Variants in SCAI observed in about 807,000 individuals in gnomAD.
The protein encoded by SCAI is suppressor of cancer cell invasion, also known as protein SCAI.
In SCAI, 24 loss-of-function variants were observed where a neutral mutation model predicts 92.2. That is an observed-to-expected ratio of 0.26 (90% CI 0.19 to 0.37). The LOEUF is 0.37. SCAI is among the 10% of genes least tolerant of loss of function. The pLI is 1.00. For synonymous variants in SCAI, 261 were observed against 258.6 expected (o/e 1.01, Z -0.09); for missense variants, 450 against 736.2 (o/e 0.61, Z 4.50).
intron 14 of SCAI, 53 bp downstream of exon 14, chr9:124,994,881 C>T (rs1253584871): frequency 8.4e-7 from 1 of 1,197,304 alleles, no homozygotes; most frequent in African/African-American, 1.5e-5. Flanking sequence ...GAGTGGGTAC[C>T]CTTGGGTTGG....
chr9:125,116,919 A>T (rs759116165), intron 2 of SCAI, among the ~76,000 whole-genome samples: 11 of 152,192 alleles, frequency 7.2e-5, no homozygotes, highest in Non-Finnish European at 1.6e-4. Context: ...TTCACTTATC[A>T]TATTTATTCT....
At chr9:124,963,899 G>A (rs1831492076) in intron 17 of SCAI, among the ~76,000 whole-genome samples, 2 of 151,956 alleles carry the variant, frequency 1.3e-5, no homozygotes, top group Non-Finnish European at 1.5e-5. Context: ...GGAGGAGGAG[G>A]AGGGGTTGGT....
intron 2 of SCAI, among the ~76,000 whole-genome samples, chr9:125,120,354 C>A (rs1041449795): frequency 2.6e-5 from 4 of 152,104 alleles, no homozygotes; most frequent in African/African-American, 9.7e-5. Context: ...GAAATGAATT[C>A]AATGGCCTAC....
intron 14 of SCAI, among the ~76,000 whole-genome samples, chr9:124,987,023 G>A (rs2131609149): frequency 6.6e-6 from 1 of 152,230 alleles, no homozygotes; most frequent in East Asian, 1.9e-4. Flanking sequence ...AAGAAGTATT[G>A]CCCAAAATGA....
intron 3 of SCAI, among the ~76,000 whole-genome samples, chr9:125,051,226 T>C (rs2131128888): frequency 6.6e-6 from 1 of 151,622 alleles, no homozygotes; most frequent in African/African-American, 2.4e-5. Flanking sequence ...TTTCACCATG[T>C]TGGCCAGGCT....
chr9:125,123,065 T>C (rs574663713), intron 2 of SCAI, among the ~76,000 whole-genome samples: 6 of 152,266 alleles, frequency 3.9e-5, no homozygotes, highest in African/African-American at 1.4e-4. Context: ...TATCTATTGT[T>C]AGAAAGACAG....
At position 125,143,406 on chromosome 9, in the gene SCAI, G is replaced by A; in HGVS notation, c.32C>T (p.Pro11Leu). 6.5e-6 allele frequency: 9 copies of A among 1,390,466 alleles called. No individual in the cohort carries two copies. Among genetic ancestry groups the A allele is most frequent in the Non-Finnish European group, 7.5e-6 (8 of 1,070,002 alleles). 86.1% of individuals were successfully genotyped at this position (1,390,466 alleles called of 1,614,324 possible). The change falls in exon 1 of 18, where the codon CCG becomes CTG. Residue 11 changes from proline (P) to leucine (L), a missense_variant. Physicochemically the swap from Pro to Leu is moderately conservative, Grantham distance 98 (BLOSUM62 -3). Coordinates refer to ENST00000336505, the MANE Select transcript of SCAI (RefSeq NM_001144877.3). MVRGARQPQQ[P>L]RSRLAPRLTG... ...GCACCTGGGGGCCAGGCGACTCCGC[G>A]GCTGCTGGGGCTGCCGGGCTCCTCT...
chr9:125,041,091 A>T (rs953217660), intron 3 of SCAI, among the ~76,000 whole-genome samples: 6 of 152,194 alleles, frequency 3.9e-5, no homozygotes, highest in African/African-American at 1.4e-4. Flanking sequence ...AAGAAAGCAA[A>T]ATATTTTCCT....
intron 2 of SCAI, among the ~76,000 whole-genome samples, chr9:125,068,184 G>A (rs530872349): frequency 7.9e-5 from 12 of 152,252 alleles, no homozygotes; most frequent in Middle Eastern, 3.4e-3. Flanking sequence ...CACTGTGATT[G>A]CAAGTTTTTA....
intron 11 of SCAI, among the ~76,000 whole-genome samples, 180 bp downstream of exon 11, chr9:125,002,932 CAA>C (rs372533970): frequency 1.6e-4 from 18 of 112,626 alleles, no homozygotes; most frequent in Admixed American, 1.9e-4. Flanking sequence ...ACCAGGAGTA[CAA>C]AAAAAAAAAA....
chr9:125,090,467 G>A (rs967502756), intron 2 of SCAI, among the ~76,000 whole-genome samples: 2 of 151,598 alleles, frequency 1.3e-5, no homozygotes, highest in African/African-American at 4.8e-5. Flanking sequence ...AGAGGAAGGA[G>A]GATGATGAAG....
chr9:125,098,830 TTTG>T (rs1212256313), intron 2 of SCAI, among the ~76,000 whole-genome samples: 1 of 152,184 alleles, frequency 6.6e-6, no homozygotes, highest in Non-Finnish European at 1.5e-5. Context: ...CTGGAGATGT[TTTG>T]TTGTTGTTGT....
At chr9:125,139,661 T>A (rs1308821819) in intron 2 of SCAI, among the ~76,000 whole-genome samples, 1 of 152,194 alleles carries the variant, frequency 6.6e-6, no homozygotes, top group Non-Finnish European at 1.5e-5. Flanking sequence ...GCAATTTTTT[T>A]ATATGATTAG....
chr9:125,098,887 C>T (rs1034317457), intron 2 of SCAI, among the ~76,000 whole-genome samples: 3 of 152,044 alleles, frequency 2.0e-5, no homozygotes, highest in Non-Finnish European at 4.4e-5. Flanking sequence ...TGTATGTGCC[C>T]TTATCCCTTA....
intron 2 of SCAI, among the ~76,000 whole-genome samples, chr9:125,102,402 TCTTA>T (rs1210855239): frequency 6.6e-6 from 1 of 152,028 alleles, no homozygotes; most frequent in Non-Finnish European, 1.5e-5. Flanking sequence ...GCAGCCTCTA[TCTTA>T]CTTACCCTCC....
chr9:125,036,174 G>T (rs1383577204), intron 3 of SCAI, among the ~76,000 whole-genome samples: 1 of 152,004 alleles, frequency 6.6e-6, no homozygotes, highest in Non-Finnish European at 1.5e-5. Context: ...AAAATAAAAT[G>T]AATAATGGGA....
chr9:125,119,824 TCA>T lies in SCAI; in HGVS notation c.98+22807_98+22808del, dbSNP rs529858376. On this transcript the variant is annotated intron_variant, in intron 2 of 17. Transcript: ENST00000336505. ...AGGATCTGCTTTTAGGACAGCTCAC[TCA>T]CATGGCTGGCAAGCTGATCCCAGAT... 3.2e-4 allele frequency among the ~76,000 whole-genome samples: 49 copies of T among 152,332 alleles called. 1 individual carries two copies. The highest frequency in any genetic ancestry group is 3.2e-3 in the Admixed American group (49 of 15,298).
At chr9:124,991,325 C>G (rs1832116924) in intron 14 of SCAI, among the ~76,000 whole-genome samples, 1 of 119,174 alleles carries the variant, frequency 8.4e-6, no homozygotes, top group South Asian at 2.7e-4. Flanking sequence ...GCACTCCAGC[C>G]TGGGTGACAG....
chr9:124,952,920 G>A lies in SCAI; in HGVS notation c.1708C>T (p.Leu570=), dbSNP rs761269160. Residue 570 remains leucine (L), a synonymous_variant, in exon 18 of 18, where the codon CTG becomes TTG. Transcript: ENST00000336505. ...TRNYPESYPQ[L]PRDETVENPH... ...TTCTCCACTGTTTCATCCCTTGGCA[G>A]TTGTGGATATGATTCTGGATAATTT... 6.2e-7 allele frequency: 1 copy of A among 1,613,658 alleles called. No individual in the cohort carries two copies. The highest frequency in any genetic ancestry group is 2.2e-5 in the East Asian group (1 of 44,832).
Sources: gnomAD v4.1 joint callset for allele counts (sites outside exome capture counted in the v4.1 genomes callset) on GRCh38, gnomAD v4.1.1 for gene constraint, MANE v1.5 for transcripts, NCBI Gene and HGNC (gene_info 2026-07-23, HGNC 2026-07-21) for gene names.